Variants in UBA5 observed in about 807,000 individuals in gnomAD.
The protein encoded by UBA5 is ubiquitin-like modifier-activating enzyme 5.
Under a neutral mutation model 52.9 loss-of-function variants are expected in UBA5, and 28 were observed. The ratio of observed to expected loss-of-function variants is 0.53; its 90% CI spans 0.39 to 0.73. The LOEUF (loss-of-function observed/expected upper bound fraction) is 0.73, where lower values mean the gene tolerates loss of function less well. UBA5 is among the 30% of genes least tolerant of loss of function. The pLI is 0.00. For synonymous variants in UBA5, 135 were observed against 162.1 expected (o/e 0.83, Z 1.27); for missense variants, 388 against 492.7 (o/e 0.79, Z 2.01).
At chr3:132,660,303 TG>T, upstream of UBA5, 1 of 596,476 alleles carries the variant, frequency 1.7e-6, no homozygotes, top group African/African-American at 1.9e-5. The surrounding 1 kb of genome is among the most constrained non-coding windows in gnomAD (Gnocchi z 4.1). Flanking sequence ...GCCAGGTTTT[TG>T]ATGAGGGGGA....
upstream of UBA5, among the ~76,000 whole-genome samples, chr3:132,656,750 C>T (rs551817635): frequency 2.6e-4 from 40 of 152,118 alleles, no homozygotes; most frequent in Non-Finnish European, 4.3e-4. Flanking sequence ...CTTCAGCCTC[C>T]CAAAGTGCTG....
intron 1 of UBA5, among the ~76,000 whole-genome samples, chr3:132,664,372 T>C (rs899967263): frequency 6.6e-6 from 1 of 152,214 alleles, no homozygotes; most frequent in East Asian, 1.9e-4. Context: ...TTGTCATTTT[T>C]ATAAAGAATA....
chr3:132,657,509 T>C (rs554272002), upstream of UBA5, among the ~76,000 whole-genome samples: 162 of 152,294 alleles, frequency 1.1e-3, no homozygotes, highest in Middle Eastern at 6.8e-3. Context: ...AATCAATAGA[T>C]CAACTGGAAG....
At chr3:132,675,455 C>G in intron 9 of UBA5, 72 bp downstream of exon 9, 1 of 1,552,908 alleles carries the variant, frequency 6.4e-7, no homozygotes, top group Non-Finnish European at 8.8e-7. Context: ...ATTTGGAATA[C>G]AAGATAAATG....
chr3:132,664,647 C>A (rs577045796), intron 1 of UBA5, among the ~76,000 whole-genome samples: 1 of 152,036 alleles, frequency 6.6e-6, no homozygotes, highest in Non-Finnish European at 1.5e-5. Context: ...CTATTAAATT[C>A]TCAGGTGGTC....
In UBA5 at chr3:132,676,756, T is replaced by A. The variant is rs1341678707; in HGVS notation, c.*230T>A. 2 of 577,168 alleles carry A rather than the reference T, an allele frequency of 3.5e-6. No individual in the cohort carries two copies. Among genetic ancestry groups the A allele is most frequent in the East Asian group, 3.8e-5 (1 of 26,140 alleles). The allele number at this position is 577,168 out of a possible 1,614,324, so 35.8% of individuals were successfully genotyped here. A position where few individuals can be genotyped will look rare whatever the true frequency, so the allele number is the denominator to read the frequency against. Reference sequence around the variant, plus strand: ...AGTAAGAAAACCTCAAAGGATATTGTAGGATATAAATCTTACTTGAAAACA... The same window carrying A: ...AGTAAGAAAACCTCAAAGGATATTGAAGGATATAAATCTTACTTGAAAACA... On this transcript the variant is annotated 3_prime_UTR_variant, in exon 12 of 12. Coordinates refer to ENST00000356232, the MANE Select transcript of UBA5 (RefSeq NM_024818.6). The surrounding 1 kb of genome is among the most constrained non-coding windows in gnomAD (Gnocchi z 4.1).
chr3:132,671,979 G>A, intron 7 of UBA5, 71 bp from the exon 8 acceptor site: 1 of 1,603,806 alleles, frequency 6.2e-7, no homozygotes, highest in South Asian at 1.1e-5. Context: ...AGCAAACTTG[G>A]ATGGAATACT....
chr3:132,660,726 G>A lies in UBA5; in HGVS notation c.161+28G>A. ...AACCTGCGTCGCCGGTCGGAGGCAG[G>A]CGCGGGGGACGAGGTCAGGCTCCGT... On this transcript the variant is annotated intron_variant, in intron 1 of 11. Transcript: ENST00000356232. The surrounding 1 kb of genome is among the most constrained non-coding windows in gnomAD (Gnocchi z 4.1). 1 of 1,514,154 alleles carries A rather than the reference G, an allele frequency of 6.6e-7. No individual in the cohort carries two copies. Among genetic ancestry groups the A allele is most frequent in the East Asian group, 2.4e-5 (1 of 40,894 alleles). 93.8% of individuals were successfully genotyped at this position (1,514,154 alleles called of 1,614,324 possible).
At position 132,670,820 on chromosome 3, in the gene UBA5, A is replaced by G. The variant is rs111510555; in HGVS notation, c.495-145A>G. On this transcript the variant is annotated intron_variant, in intron 5 of 11. Transcript: ENST00000356232. ...AGTTACTCAATACTTGATATATATG[A>G]TATCTTTAATATTACATATTTATTA... is the stretch of plus-strand genomic sequence containing the variant. 5.7e-4 allele frequency: 281 copies of G among 490,306 alleles called. 1 individual carries two copies. The highest frequency in any genetic ancestry group is 4.1e-3 in the African/African-American group (210 of 51,050). 30.4% of individuals were successfully genotyped at this position (490,306 alleles called of 1,614,324 possible).
upstream of UBA5, chr3:132,659,441 T>A: frequency 1.0e-6 from 1 of 978,068 alleles, no homozygotes; most frequent in Non-Finnish European, 1.5e-6. Flanking sequence ...CAGCATCGAA[T>A]TCGGAGGGCC....
At chr3:132,671,093 T>G in intron 6 of UBA5, 44 bp downstream of exon 6, 1 of 1,501,412 alleles carries the variant, frequency 6.7e-7, no homozygotes, top group Non-Finnish European at 9.3e-7. Flanking sequence ...GATTTATCTG[T>G]TTTCCTGTAT....
rs979015755 is a variant in UBA5 at position 132,679,635 on chromosome 3, G to C, written c.*3109G>C. 6.6e-6 allele frequency among the ~76,000 whole-genome samples: 1 copy of C among 152,110 alleles called. No individual in the cohort carries two copies. Among genetic ancestry groups the C allele is most frequent in the African/African-American group, 2.4e-5 (1 of 41,418 alleles). On this transcript the variant is annotated 3_prime_UTR_variant, in exon 12 of 12. Coordinates refer to ENST00000356232, the MANE Select transcript of UBA5 (RefSeq NM_024818.6). ...ACAAAGAATAAATAATATTCTTAAG[G>C]TAGTTTTTCCTTTTATCAGGGTTCT... is the stretch of plus-strand genomic sequence containing the variant.
chr3:132,659,372 G>C (rs1559984351), upstream of UBA5: 1 of 549,020 alleles, frequency 1.8e-6, no homozygotes, highest in Admixed American at 3.9e-5. Flanking sequence ...GATTCCTTTG[G>C]ATAGTAGAAT....
At chr3:132,664,393 A>T (rs1043070921) in intron 1 of UBA5, among the ~76,000 whole-genome samples, 1 of 152,212 alleles carries the variant, frequency 6.6e-6, no homozygotes, top group African/African-American at 2.4e-5. Flanking sequence ...TAATTTTGAT[A>T]AGGAACATTT....
Position 132,677,007 on chromosome 3 carries a change from C to A in UBA5, c.*481C>A. The A allele has an allele frequency of 5.4e-6, 2 of 369,656 alleles. No homozygotes were observed. The highest frequency in any genetic ancestry group is 1.1e-5 in the Non-Finnish European group (2 of 182,242). The allele number at this position is 369,656 out of a possible 1,614,324, so 22.9% of individuals were successfully genotyped here. ...AATTGCTTTCTATAAGAAAATTGCC[C>A]ACTACTACTAACTTGATCAACAATG... On this transcript the variant is annotated 3_prime_UTR_variant, in exon 12 of 12. Coordinates refer to ENST00000356232, the MANE Select transcript of UBA5 (RefSeq NM_024818.6).
Position 132,679,603 on chromosome 3 carries a change from TG to T in UBA5, c.*3079del, listed in dbSNP as rs1185379444. ...ACTACAGTTATTCAGGCACAAATTT[TG>T]GAGGTACAAAGAATAAATAATATTC... On this transcript the variant is annotated 3_prime_UTR_variant, in exon 12 of 12. Coordinates refer to ENST00000356232, the MANE Select transcript of UBA5 (RefSeq NM_024818.6). Among the ~76,000 whole-genome samples, 1 of 152,218 alleles carries T rather than the reference TG, an allele frequency of 6.6e-6. No individual in the cohort carries two copies. Among genetic ancestry groups the T allele is most frequent in the African/African-American group, 2.4e-5 (1 of 41,452 alleles).
intron 5 of UBA5, 141 bp from the exon 6 acceptor site, chr3:132,670,824 C>T: frequency 2.0e-6 from 1 of 506,962 alleles, no homozygotes; most frequent in Non-Finnish European, 3.5e-6. Flanking sequence ...TATATGATAT[C>T]TTTAATATTA....
chr3:132,675,093 A>G (rs891245824), intron 8 of UBA5, among the ~76,000 whole-genome samples, 155 bp from the exon 9 acceptor site: 2 of 152,206 alleles, frequency 1.3e-5, no homozygotes, highest in African/African-American at 2.4e-5. Context: ...CACTGTAAAT[A>G]AGATAAAATT....
At chr3:132,661,734 G>T (rs1018384370) in intron 1 of UBA5, among the ~76,000 whole-genome samples, 2 of 152,156 alleles carry the variant, frequency 1.3e-5, no homozygotes, top group African/African-American at 4.8e-5. Context: ...CAATTAAGTC[G>T]TGTAGCTAAA....
Sources: allele counts gnomAD v4.1 joint callset (sites outside exome capture counted in the v4.1 genomes callset), GRCh38; gene constraint gnomAD v4.1.1; non-coding constraint Gnocchi (gnomAD v3.1); transcripts MANE v1.5; gene names NCBI Gene and HGNC (gene_info 2026-07-23, HGNC 2026-07-21).